Variants in NAALADL2 observed in about 807,000 individuals in gnomAD.
NAALADL2 encodes the protein N-acetylated alpha-linked acidic dipeptidase like 2, also known as inactive N-acetylated-alpha-linked acidic dipeptidase-like protein 2.
NAALADL2 carries 76 observed loss-of-function variants against 87.2 expected under a neutral mutation model. The observed-to-expected ratio is 0.87, with a 90% CI of 0.72 to 1.05. The LOEUF (loss-of-function observed/expected upper bound fraction) is 1.05. NAALADL2 is among the 50% of genes least tolerant of loss of function. NAALADL2 has a pLI of 0.00. For missense variants in NAALADL2, 1,089 were observed against 945.8 expected (o/e 1.15, Z -1.99); for synonymous variants, 354 against 331.0 (o/e 1.07, Z -0.75).
At chr3:175,283,288 C>T (rs1053594354) in intron 4 of NAALADL2, among the ~76,000 whole-genome samples, 1 of 152,094 alleles carries the variant, frequency 6.6e-6, no homozygotes, top group African/African-American at 2.4e-5. Context: ...GCATGGATCT[C>T]AAATCAAATG....
intron 2 of NAALADL2, among the ~76,000 whole-genome samples, chr3:174,551,726 T>A (rs1274209270): frequency 1.3e-5 from 2 of 152,234 alleles, no homozygotes; most frequent in Admixed American, 6.5e-5. Flanking sequence ...ATGTGTTTTA[T>A]GAAATCAATT....
chr3:174,640,451 A>ATCAG (rs2108727738), intron 2 of NAALADL2, among the ~76,000 whole-genome samples: 2 of 143,066 alleles, frequency 1.4e-5, no homozygotes, highest in South Asian at 4.7e-4. Flanking sequence ...TAGAAGATTG[A>ATCAG]TCAGTGTGTG....
chr3:174,845,807 G>T (rs1003315547), intron 3 of NAALADL2, among the ~76,000 whole-genome samples: 8 of 152,146 alleles, frequency 5.3e-5, no homozygotes, highest in African/African-American at 1.2e-4. Flanking sequence ...TTCCTTCCTA[G>T]GTTGCAGAAG....
At chr3:175,576,223 C>T (rs751577918) in intron 10 of NAALADL2, 36 bp downstream of exon 10, 3 of 1,561,368 alleles carry the variant, frequency 1.9e-6, no homozygotes, top group Non-Finnish European at 8.8e-7. Context: ...CACACACACA[C>T]AATATAGTAG....
At chr3:174,589,326 G>A (rs982379695) in intron 2 of NAALADL2, among the ~76,000 whole-genome samples, 11 of 152,138 alleles carry the variant, frequency 7.2e-5, no homozygotes, top group East Asian at 1.9e-4. Flanking sequence ...TGTGCTTCCC[G>A]GCTGAGGCGA....
intron 10 of NAALADL2, among the ~76,000 whole-genome samples, chr3:175,605,618 G>A (rs571452391): frequency 5.6e-5 from 8 of 142,358 alleles, no homozygotes; most frequent in Non-Finnish European, 9.1e-5. Context: ...TCAGGCTGAG[G>A]ACACCTAGAT....
At chr3:175,041,404 T>C (rs142281821) in intron 1 of NAALADL2, among the ~76,000 whole-genome samples, 5 of 152,300 alleles carry the variant, frequency 3.3e-5, no homozygotes, top group African/African-American at 1.2e-4. Flanking sequence ...CTCTGTCATC[T>C]TCTTTAAACA....
intron 2 of NAALADL2, among the ~76,000 whole-genome samples, chr3:174,572,134 C>G (rs1715003505): frequency 6.6e-6 from 1 of 151,892 alleles, no homozygotes; most frequent in South Asian, 2.1e-4. Flanking sequence ...CTTCTTCTTT[C>G]TTCTTAGTTA....
At chr3:175,266,443 A>C (rs910394869) in intron 4 of NAALADL2, among the ~76,000 whole-genome samples, 1 of 151,624 alleles carries the variant, frequency 6.6e-6, no homozygotes, top group Non-Finnish European at 1.5e-5. Flanking sequence ...TTCATAATTA[A>C]GGAAGAACCA....
At chr3:174,786,170 G>T (rs938369655) in intron 3 of NAALADL2, among the ~76,000 whole-genome samples, 2 of 152,058 alleles carry the variant, frequency 1.3e-5, no homozygotes, top group South Asian at 2.1e-4. Flanking sequence ...AGTAAAATTG[G>T]CCAGGCATGG....
At chr3:175,488,057 G>C (rs1472043379) in intron 9 of NAALADL2, among the ~76,000 whole-genome samples, 1 of 152,202 alleles carries the variant, frequency 6.6e-6, no homozygotes, top group Admixed American at 6.6e-5. Context: ...ATGGAAAACA[G>C]TGTAGAGTTT....
At chr3:175,036,561 A>G (rs1335773406) in intron 1 of NAALADL2, among the ~76,000 whole-genome samples, 1 of 151,580 alleles carries the variant, frequency 6.6e-6, no homozygotes, top group African/African-American at 2.4e-5. Context: ...CACCACACCC[A>G]GCTAATTTTT....
chr3:175,528,263 GA>G (rs1348114774), intron 9 of NAALADL2, among the ~76,000 whole-genome samples: 2 of 151,948 alleles, frequency 1.3e-5, no homozygotes, highest in African/African-American at 4.8e-5. Flanking sequence ...GAAGATCAAG[GA>G]AAGCCAGTCC....
At chr3:174,798,089 A>G (rs140249049) in intron 3 of NAALADL2, among the ~76,000 whole-genome samples, 2 of 152,326 alleles carry the variant, frequency 1.3e-5, no homozygotes, top group East Asian at 3.9e-4. Context: ...TTGTTCCAGC[A>G]GAAATTGTTG....
intron 2 of NAALADL2, among the ~76,000 whole-genome samples, chr3:175,117,434 C>G (rs1028106202): frequency 6.6e-6 from 1 of 152,060 alleles, no homozygotes; most frequent in Non-Finnish European, 1.5e-5. Flanking sequence ...CAAACAACCT[C>G]ATCAAAAAGT....
intron 1 of NAALADL2, among the ~76,000 whole-genome samples, chr3:175,012,427 C>T (rs1387127186): frequency 6.6e-6 from 1 of 152,122 alleles, no homozygotes; most frequent in Admixed American, 6.6e-5. Context: ...AACGGCCTCC[C>T]AAATTGTTGG....
intron 2 of NAALADL2, among the ~76,000 whole-genome samples, chr3:174,699,398 AGG>A (rs59074361): frequency 0.22 from 33,481 of 151,452 alleles, 5,456 homozygotes; most frequent in East Asian, 0.49. Context: ...AGGCTGAGGC[AGG>A]GGAGAATCCC....
rs1289071840 is a variant in NAALADL2 at position 175,698,299 on chromosome 3, A to G, written c.1897-39007A>G. ...TGTGTATATATGTATGTATACATAT[A>G]TATGTGTATATATGTATGTGTATTT... On this transcript the variant is annotated intron_variant, in intron 11 of 13. Coordinates refer to ENST00000454872, the MANE Select transcript of NAALADL2 (RefSeq NM_207015.3). 2.0e-3 allele frequency among the ~76,000 whole-genome samples: 171 copies of G among 87,128 alleles called. 17 individuals are homozygous for G. The highest frequency in any genetic ancestry group is 3.4e-3 in the East Asian group (12 of 3,520). 57.2% of individuals were successfully genotyped at this position (87,128 alleles called of 152,430 possible). A position where few individuals can be genotyped will look rare whatever the true frequency, so the allele number is the denominator to read the frequency against.
chr3:175,382,149 C>G (rs1174626427), intron 5 of NAALADL2, among the ~76,000 whole-genome samples: 1 of 152,064 alleles, frequency 6.6e-6, no homozygotes. Flanking sequence ...TAAAAGCATA[C>G]TGTTTGGATA....
Sources: gnomAD v4.1 joint callset for allele counts (sites outside exome capture counted in the v4.1 genomes callset) on GRCh38, gnomAD v4.1.1 for gene constraint, MANE v1.5 for transcripts, NCBI Gene and HGNC (gene_info 2026-07-23, HGNC 2026-07-21) for gene names.